Variants in ATAD3B observed in about 807,000 individuals in gnomAD.
ATAD3B encodes the protein ATPase family AAA domain containing 3B.
Under a neutral mutation model 70.2 loss-of-function variants are expected in ATAD3B, and 59 were observed. The observed-to-expected ratio is 0.84, with a 90% CI of 0.68 to 1.04. The LOEUF is 1.04. Ranked by LOEUF, ATAD3B falls within the 50% of genes least tolerant of loss-of-function variation. The pLI is 0.00. For synonymous variants in ATAD3B, 423 were observed against 388.6 expected, an observed-to-expected ratio of 1.09 and a Z score of -1.04; for missense variants, 961 against 913.4, an observed-to-expected ratio of 1.05 and a Z score of -0.67.
intron 1 of ATAD3B, 41 bp from the exon 2 acceptor site, chr1:1,477,233 G>A (rs779627271): frequency 2.6e-5 from 42 of 1,608,386 alleles, no homozygotes; most frequent in South Asian, 6.6e-5. Flanking sequence ...TTTGGTATCC[G>A]TGTATCCTAC....
chr1:1,490,147 G>T, intron 13 of ATAD3B, 110 bp from the exon 14 acceptor site: 2 of 1,502,290 alleles, frequency 1.3e-6, no homozygotes, highest in Non-Finnish European at 1.8e-6. Flanking sequence ...ACAAGCTGCC[G>T]CTTTAGATTC....
chr1:1,489,740 G>T, intron 13 of ATAD3B: 1 of 1,309,348 alleles, frequency 7.6e-7, no homozygotes, highest in Non-Finnish European at 1.0e-6. Context: ...GTCGGCCGTG[G>T]CTGACTCTTC....
chr1:1,482,730 A>G (rs1389401707), intron 7 of ATAD3B, 116 bp downstream of exon 7: 4 of 1,532,596 alleles, frequency 2.6e-6, no homozygotes, highest in African/African-American at 1.4e-5. Context: ...CTCTCCCAGC[A>G]CAGAGCAAAC....
chr1:1,502,350 G>A (rs1640963499), downstream of ATAD3B, among the ~76,000 whole-genome samples: 1 of 151,114 alleles, frequency 6.6e-6, no homozygotes, highest in Non-Finnish European at 1.5e-5. Flanking sequence ...TAGTAGCTGG[G>A]ACTACAGGCG....
the ATAD3B span, among the ~76,000 whole-genome samples, chr1:1,508,423 G>C: frequency 6.6e-6 from 1 of 151,418 alleles, no homozygotes; most frequent in African/African-American, 2.5e-5. Flanking sequence ...CCTGCCTCTG[G>C]GAGGCATAGC....
chr1:1,497,864 A>AAAAAG (rs1356668159), downstream of ATAD3B: 5 of 149,908 alleles, frequency 3.3e-5, no homozygotes, highest in African/African-American at 1.2e-4. Flanking sequence ...GTTTAAAAAA[A>AAAAAG]AAAAAAAAAG....
chr1:1,507,627 C>T, the ATAD3B span, among the ~76,000 whole-genome samples: 1 of 152,174 alleles, frequency 6.6e-6, no homozygotes, highest in Non-Finnish European at 1.5e-5. Flanking sequence ...CAGTGATGCT[C>T]ATCAAGGATA....
At chr1:1,474,699 A>G (rs1458438696) in intron 1 of ATAD3B, among the ~76,000 whole-genome samples, 1 of 151,702 alleles carries the variant, frequency 6.6e-6, no homozygotes, top group Non-Finnish European at 1.5e-5. Context: ...ACGGGGTTTC[A>G]CCATGTTGTT....
In ATAD3B at chr1:1,497,253, A is replaced by T. The variant is rs1214587419; in HGVS notation, c.*1436A>T. On this transcript the variant is annotated 3_prime_UTR_variant, in exon 16 of 16. Transcript: ENST00000673477. ...AGAGATGGGTTCTTACTCTGAGCCC[A>T]GGCTGGAGTGCAGTGGTGTGATTAT... is the stretch of plus-strand genomic sequence containing the variant. 2 of 150,524 alleles carry T rather than the reference A, an allele frequency of 1.3e-5. No homozygotes were observed. Among genetic ancestry groups the T allele is most frequent in the African/African-American group, 4.9e-5 (2 of 40,564 alleles). 9.3% of individuals were successfully genotyped at this position (150,524 alleles called of 1,614,324 possible).
At chr1:1,478,535 A>G (rs1234918362) in intron 2 of ATAD3B, 109 bp from the exon 3 acceptor site, 1 of 1,550,024 alleles carries the variant, frequency 6.5e-7, no homozygotes, top group Non-Finnish European at 8.7e-7. Context: ...TGCACACACT[A>G]GTCTGGGCAC....
intron 4 of ATAD3B, 124 bp downstream of exon 4, chr1:1,479,232 G>A (rs1227326811): frequency 3.2e-6 from 4 of 1,248,162 alleles, no homozygotes; most frequent in South Asian, 1.4e-5. Flanking sequence ...GGGTGCTAGA[G>A]CAGGGGAAAC....
chr1:1,489,536 G>T, intron 13 of ATAD3B: 1 of 989,312 alleles, frequency 1.0e-6, no homozygotes, highest in Non-Finnish European at 1.5e-6. Flanking sequence ...AGGTCCCTCT[G>T]CCCCTAGATT....
intron 1 of ATAD3B, among the ~76,000 whole-genome samples, chr1:1,474,067 A>T (rs1639466660): frequency 6.6e-6 from 1 of 151,992 alleles, no homozygotes; most frequent in African/African-American, 2.4e-5. Context: ...TTCTGTTTTG[A>T]AGAGATGGGG....
chr1:1,488,143 G>A (rs1035174880), intron 12 of ATAD3B, among the ~76,000 whole-genome samples: 5 of 152,138 alleles, frequency 3.3e-5, no homozygotes, highest in Non-Finnish European at 7.4e-5. Flanking sequence ...TTTTAGTAGA[G>A]ATGGGGTTTC....
At chr1:1,488,853 T>A (rs755620754) in intron 12 of ATAD3B, among the ~76,000 whole-genome samples, 1 of 151,862 alleles carries the variant, frequency 6.6e-6, no homozygotes, top group South Asian at 2.1e-4. Context: ...TAAATGTATT[T>A]TTTATTTTTT....
rs1227702521 is a variant in ATAD3B, at chr1:1,471,791, A to G, written c.-94A>G. The G allele has an allele frequency of 3.9e-5, 48 of 1,218,764 alleles. 1 individual carries two copies. Among genetic ancestry groups the G allele is most frequent in the Non-Finnish European group, 4.4e-5 (43 of 977,992 alleles). The allele number at this position is 1,218,764 out of a possible 1,614,324, so 75.5% of individuals were successfully genotyped here. A position where few individuals can be genotyped will look rare whatever the true frequency, so the allele number is the denominator to read the frequency against. ...TTTCGCCTGCGCAGTGGTCCTGGCC[A>G]CCGGCTCGCGGCGCGTGGAGGCTGC... On this transcript the variant is annotated 5_prime_UTR_variant, in exon 1 of 16. Transcript: ENST00000673477.
At chr1:1,507,588 C>T in the ATAD3B span, among the ~76,000 whole-genome samples, 2 of 152,136 alleles carry the variant, frequency 1.3e-5, no homozygotes, top group African/African-American at 2.4e-5. Flanking sequence ...GCTGAATTCA[C>T]TTTGCTGGCA....
At chr1:1,474,231 C>T (rs902049991) in intron 1 of ATAD3B, among the ~76,000 whole-genome samples, 27 of 151,372 alleles carry the variant, frequency 1.8e-4, no homozygotes, top group African/African-American at 6.3e-4. Flanking sequence ...CTCGCTGTCG[C>T]CCAGGCTGGA....
At chr1:1,498,774 C>T (rs556508637), downstream of ATAD3B, among the ~76,000 whole-genome samples, 3 of 148,778 alleles carry the variant, frequency 2.0e-5, no homozygotes, top group Non-Finnish European at 4.5e-5. Flanking sequence ...GAGATCTCGG[C>T]GGCTCACTGT....
Sources: allele counts gnomAD v4.1 joint callset (sites outside exome capture counted in the v4.1 genomes callset), GRCh38; gene constraint gnomAD v4.1.1; transcripts MANE v1.5; gene names NCBI Gene and HGNC (gene_info 2026-07-23, HGNC 2026-07-21).